Variants in CARNMT1 observed in about 807,000 individuals in gnomAD.
The protein encoded by CARNMT1 is carnosine N-methyltransferase 1.
Under a neutral mutation model 49.6 loss-of-function variants are expected in CARNMT1, and 28 were observed. The ratio of observed to expected loss-of-function variants is 0.56; its 90% CI spans 0.42 to 0.77. The LOEUF is 0.77. Among genes scored for constraint, CARNMT1 ranks in the 30% least tolerant of loss-of-function variants. The pLI is 0.00. For missense variants in CARNMT1, 421 were observed against 512.6 expected, an observed-to-expected ratio of 0.82 and a Z score of 1.73; for synonymous variants, 178 against 175.0, an observed-to-expected ratio of 1.02 and a Z score of -0.13.
chr9:74,989,930 G>T (rs1315715924), intron 6 of CARNMT1, among the ~76,000 whole-genome samples: 1 of 152,216 alleles, frequency 6.6e-6, no homozygotes, highest in Admixed American at 6.5e-5. Context: ...CTATCGGTCA[G>T]AAGAAACTAT....
In CARNMT1 at chr9:74,983,845, T is replaced by C; in HGVS notation, c.1152A>G (p.Ser384=). Residue 384 remains serine, a synonymous_variant, in exon 8 of 8, where the codon TCA becomes TCG. Transcript: ENST00000376834. ...KVEVEKESVL[S]TYTVNDLSMM... ...TAGAGAGATCATTCACAGTATATGT[T>C]GACAATACAGATTCTTTTTCCACCT... 6.3e-7 allele frequency: 1 copy of C among 1,599,378 alleles called. No individual in the cohort carries two copies. The highest frequency in any genetic ancestry group is 1.1e-5 in the South Asian group (1 of 88,562).
upstream of CARNMT1, chr9:75,028,429 C>G: frequency 1.6e-6 from 2 of 1,278,782 alleles, no homozygotes; most frequent in Non-Finnish European, 2.0e-6. Flanking sequence ...GCTCCCAGAA[C>G]CAATGCGCAT....
Position 75,028,141 on chromosome 9 carries a change from G to A in CARNMT1, c.101C>T (p.Ala34Val), listed in dbSNP as rs752735235. 1.3e-6 allele frequency: 2 copies of A among 1,547,102 alleles called. No homozygotes were observed. The highest frequency in any genetic ancestry group is 1.7e-6 in the Non-Finnish European group (2 of 1,148,818). Residue 34 changes from alanine (A) to valine (V), a missense_variant, in exon 1 of 8, where the codon GCC becomes GTC. Physicochemically the swap from Ala to Val is moderately conservative, Grantham distance 64. Around this residue, in one of 2 missense-constraint regions of CARNMT1, gnomAD observed 186 missense variants for 167.9 expected, o/e 1.11. Coordinates refer to ENST00000376834, the MANE Select transcript of CARNMT1 (RefSeq NM_152420.3). ...GSEEVEVQFS[A>V]GRWGSAAAVS... ...CGCCGCGGCCGAGCCCCAACGCCCG[G>A]CGGAAAACTGCACTTCCACCTCCTC... is the stretch of plus-strand genomic sequence containing the variant.
intron 1 of CARNMT1, among the ~76,000 whole-genome samples, chr9:75,025,047 A>G (rs1183418160): frequency 6.6e-6 from 1 of 152,254 alleles, no homozygotes. Context: ...ATAAGTTTAC[A>G]TAATTTGATT....
chr9:74,984,966 T>C lies in CARNMT1; in HGVS notation c.1069A>G (p.Ile357Val). 1.2e-6 allele frequency: 2 copies of C among 1,613,916 alleles called. No homozygotes were observed. The highest frequency in any genetic ancestry group is 2.2e-5 in the East Asian group (1 of 44,860). The change falls in exon 7 of 8, where the codon ATA becomes GTA. Residue 357 changes from isoleucine (I) to valine (V), a missense_variant. Around this residue, in one of 2 missense-constraint regions of CARNMT1, gnomAD observed 235 missense variants for 344.8 expected, o/e 0.68. Coordinates refer to ENST00000376834, the MANE Select transcript of CARNMT1 (RefSeq NM_152420.3). ...TTTATATCCTCATAGCTCAATTCTA[T>C]GGAAAGTTCATTTGCCAGATTTTCA... ...HFENLANELSIELSYEDIKNV... is the reference protein window; with the variant it reads ...HFENLANELSVELSYEDIKNV...
intron 6 of CARNMT1, among the ~76,000 whole-genome samples, chr9:74,993,400 A>C (rs1217196561): frequency 6.6e-6 from 1 of 152,178 alleles, no homozygotes; most frequent in Non-Finnish European, 1.5e-5. Flanking sequence ...GAAGGTAAAA[A>C]ACATAATCCT....
At chr9:75,001,998 C>G (rs1359729453) in intron 3 of CARNMT1, among the ~76,000 whole-genome samples, 2 of 152,038 alleles carry the variant, frequency 1.3e-5, no homozygotes, top group Admixed American at 6.5e-5. Flanking sequence ...TGAAAACAAG[C>G]AAGCCAACAA....
chr9:75,026,619 T>G (rs1366997246), intron 1 of CARNMT1, among the ~76,000 whole-genome samples: 1 of 152,234 alleles, frequency 6.6e-6, no homozygotes, highest in Admixed American at 6.5e-5. Context: ...CAAACTTCTC[T>G]TTTGGGCTCC....
At position 74,989,286 on chromosome 9, in the gene CARNMT1, C is replaced by CT. The variant is rs964101726; in HGVS notation, c.1025-4277dup. On this transcript the variant is annotated intron_variant, in intron 6 of 7. Transcript: ENST00000376834. ...CCACTACACCTGGCTAATTTTTAAA[C>CT]TTTTTTTTTAGAGATGAAGGGTCTT... 6.0e-4 allele frequency among the ~76,000 whole-genome samples: 90 copies of CT among 150,890 alleles called. 1 individual carries two copies. The highest frequency in any genetic ancestry group is 1.8e-3 in the African/African-American group (76 of 41,118).
upstream of CARNMT1, chr9:75,028,302 G>A (rs938257691): frequency 4.5e-6 from 6 of 1,332,470 alleles, no homozygotes; most frequent in African/African-American, 1.5e-5. Context: ...GCGTGGTGGC[G>A]GCTGCTTGGC....
intron 3 of CARNMT1, among the ~76,000 whole-genome samples, chr9:75,013,500 A>G (rs1424353647): frequency 6.6e-6 from 1 of 152,210 alleles, no homozygotes; most frequent in Non-Finnish European, 1.5e-5. Context: ...AACTACCTAA[A>G]TAACCTAACG....
At chr9:74,994,925 T>G (rs1833141655) in intron 6 of CARNMT1, among the ~76,000 whole-genome samples, 1 of 152,202 alleles carries the variant, frequency 6.6e-6, no homozygotes, top group African/African-American at 2.4e-5. Context: ...CTGATGCCCA[T>G]GACAGATCAT....
chr9:75,003,036 C>T (rs181165658), intron 3 of CARNMT1, among the ~76,000 whole-genome samples: 2 of 152,080 alleles, frequency 1.3e-5, no homozygotes. Flanking sequence ...CCACACCCAG[C>T]CAAAAATTTT....
At chr9:74,989,841 G>T (rs1271040945) in intron 6 of CARNMT1, among the ~76,000 whole-genome samples, 2 of 152,154 alleles carry the variant, frequency 1.3e-5, no homozygotes, top group Admixed American at 1.3e-4. Flanking sequence ...AAAAGCAAGA[G>T]AAAGCAGAAA....
chr9:74,983,969 C>T (rs1832751769), intron 7 of CARNMT1, 101 bp from the exon 8 acceptor site: 1 of 660,318 alleles, frequency 1.5e-6, no homozygotes, highest in Non-Finnish European at 2.5e-6. Context: ...CTATTTTAAG[C>T]ATATTCATTT....
chr9:75,013,979 G>T (rs1297310086), intron 3 of CARNMT1, among the ~76,000 whole-genome samples: 1 of 37,500 alleles, frequency 2.7e-5, no homozygotes, highest in Non-Finnish European at 5.3e-5. Flanking sequence ...TCAAAAAAAA[G>T]AGAGAGAGAG....
At chr9:75,015,381 A>G (rs1394984665) in intron 3 of CARNMT1, among the ~76,000 whole-genome samples, 2 of 152,196 alleles carry the variant, frequency 1.3e-5, no homozygotes, top group African/African-American at 2.4e-5. Context: ...TTAAAGTGAT[A>G]TATGATTTAA....
At position 74,984,918 on chromosome 9, in the gene CARNMT1, A is replaced by G; in HGVS notation, c.1117T>C (p.Phe373Leu). Residue 373 changes from phenylalanine to leucine, a missense_variant, in exon 7 of 8, where the codon TTC becomes CTC. Transcript: ENST00000376834. ...TATTCCATTCTTACCTCTACCTTGA[A>G]TCCATACTGCAGAACAACGTTTTTT... ...DIKNVVLQYG[F>L]KVEVEKESVL... The G allele has an allele frequency of 6.2e-7, 1 of 1,611,638 alleles. No individual in the cohort carries two copies. Among genetic ancestry groups the G allele is most frequent in the Non-Finnish European group, 8.5e-7 (1 of 1,177,980 alleles).
chr9:74,991,926 A>G (rs1413445165), intron 6 of CARNMT1, among the ~76,000 whole-genome samples: 4 of 152,130 alleles, frequency 2.6e-5, no homozygotes, highest in African/African-American at 4.8e-5. Flanking sequence ...TACTATAATG[A>G]GGAAAGGGCT....
Sources: allele counts gnomAD v4.1 joint callset (sites outside exome capture counted in the v4.1 genomes callset), GRCh38; gene constraint gnomAD v4.1.1; regional missense constraint gnomAD v4.1.1; transcripts MANE v1.5; gene names NCBI Gene and HGNC (gene_info 2026-07-23, HGNC 2026-07-21).